The following PPP2R2B variants were observed in gnomAD, a reference collection of about 807,000 sequenced individuals.
PPP2R2B encodes serine/threonine-protein phosphatase 2A 55 kDa regulatory subunit B beta isoform.
In PPP2R2B, 5 loss-of-function variants were observed where a neutral mutation model predicts 46.0. The observed-to-expected ratio is 0.11, with a 90% confidence interval of 0.06 to 0.23. The LOEUF (loss-of-function observed/expected upper bound fraction) is 0.23, where lower values mean the gene tolerates loss of function less well. Ranked by LOEUF, PPP2R2B falls within the 10% of genes least tolerant of loss-of-function variation. PPP2R2B has a pLI of 1.00. For synonymous variants in PPP2R2B, 215 were observed against 206.7 expected (o/e 1.04, Z -0.34); for missense variants, 367 against 575.0 (o/e 0.64, Z 3.70).
intron 2 of PPP2R2B, among the ~76,000 whole-genome samples, chr5:146,813,662 A>G (rs1426312113): frequency 6.6e-6 from 1 of 152,178 alleles, no homozygotes; most frequent in Admixed American, 6.5e-5. Context: ...TCAAAGTCGA[A>G]ACCTTCTATT....
chr5:146,701,316 TA>T (rs1203168279), intron 2 of PPP2R2B, 174 bp from the exon 3 acceptor site: 5 of 752,954 alleles, frequency 6.6e-6, no homozygotes, highest in Non-Finnish European at 9.6e-6. Flanking sequence ...ACTTGGGAAG[TA>T]AATTTCCTAG....
Position 147,011,045 on chromosome 5 carries a change from G to A in PPP2R2B, c.79+44620C>T, listed in dbSNP as rs372202174. Among the ~76,000 whole-genome samples, 16 of 152,200 alleles carry A rather than the reference G, an allele frequency of 1.1e-4. No individual in the cohort carries two copies. In the East Asian group the frequency reaches 1.5e-3, roughly 15 times the overall value. ...GGGAAAAAGCCAAAATCCTTGCCAC[G>A]CTCCCTTCCTGTGACCTTTCTGGAT... On this transcript the variant is annotated intron_variant, in intron 1 of 8. Coordinates refer to the PPP2R2B transcript ENST00000336640.
intron 7 of PPP2R2B, among the ~76,000 whole-genome samples, chr5:146,629,292 A>G (rs1774263755): frequency 6.6e-6 from 1 of 152,104 alleles, no homozygotes; most frequent in Non-Finnish European, 1.5e-5. Flanking sequence ...TCCTCGTTTC[A>G]GTGTATGGTA....
At chr5:146,893,006 C>T (rs1368132031) in intron 1 of PPP2R2B, among the ~76,000 whole-genome samples, 2 of 152,118 alleles carry the variant, frequency 1.3e-5, no homozygotes, top group South Asian at 2.1e-4. Context: ...TTTCACAAAC[C>T]CTATGCGCAG....
At chr5:146,592,426 T>G (rs966111658) in intron 9 of PPP2R2B, among the ~76,000 whole-genome samples, 4 of 152,238 alleles carry the variant, frequency 2.6e-5, no homozygotes, top group African/African-American at 9.6e-5. Context: ...CATTTGTATT[T>G]GTCAAACTAA....
chr5:146,701,795 A>G (rs1007182351), intron 2 of PPP2R2B, among the ~76,000 whole-genome samples: 1 of 152,152 alleles, frequency 6.6e-6, no homozygotes, highest in Admixed American at 6.5e-5. Flanking sequence ...AAGGGCAGAG[A>G]AGTGAGGGCA....
intron 2 of PPP2R2B, among the ~76,000 whole-genome samples, chr5:147,079,445 C>CATATATATATATATATAT (rs58393815): frequency 1.7e-4 from 22 of 132,292 alleles, no homozygotes; most frequent in Non-Finnish European, 2.7e-4. Flanking sequence ...TATATATATA[C>CATATATATATATATATAT]ATATATATAT....
At chr5:147,027,753 G>T (rs1755599879) in intron 1 of PPP2R2B, among the ~76,000 whole-genome samples, 1 of 152,030 alleles carries the variant, frequency 6.6e-6, no homozygotes, top group African/African-American at 2.4e-5. Flanking sequence ...ATGATCAATG[G>T]GAGTATATAT....
At chr5:146,836,068 A>G (rs573222449) in intron 2 of PPP2R2B, among the ~76,000 whole-genome samples, 163 of 152,328 alleles carry the variant, frequency 1.1e-3, no homozygotes, top group African/African-American at 3.7e-3. Flanking sequence ...CTGACACATA[A>G]TAAATATTCA....
chr5:146,917,576 T>C (rs1245488796), intron 1 of PPP2R2B, among the ~76,000 whole-genome samples: 1 of 152,220 alleles, frequency 6.6e-6, no homozygotes, highest in Non-Finnish European at 1.5e-5. Context: ...CAATTAATGG[T>C]AGAGTTGGTT....
chr5:146,864,472 T>C (rs1761192239), intron 2 of PPP2R2B, among the ~76,000 whole-genome samples: 1 of 149,444 alleles, frequency 6.7e-6, no homozygotes, highest in South Asian at 2.1e-4. Flanking sequence ...GACTAGCTCA[T>C]TAAACAACCA....
chr5:146,694,746 A>G (rs1376691858), intron 4 of PPP2R2B, among the ~76,000 whole-genome samples: 3 of 152,130 alleles, frequency 2.0e-5, no homozygotes, highest in Non-Finnish European at 4.4e-5. Flanking sequence ...TCATAAAGGT[A>G]AAAAAACTCC....
rs1238428548 is a variant in PPP2R2B at position 146,987,542 on chromosome 5, G to GTC, written c.79+68121_79+68122dup. 2.0e-5 allele frequency among the ~76,000 whole-genome samples: 3 copies of GTC among 151,960 alleles called. No individual in the cohort carries two copies. In the East Asian group the frequency reaches 5.8e-4, roughly 29 times the overall value. Reference sequence around the variant, plus strand: ...TTCTTTTATTGTCTTTGCAATTAAAGTCAGGTTATCATCAGTTTAAAATAG... The same window carrying GTC: ...TTCTTTTATTGTCTTTGCAATTAAAGTCTCAGGTTATCATCAGTTTAAAATAG... On this transcript the variant is annotated intron_variant, in intron 1 of 8. Coordinates refer to the PPP2R2B transcript ENST00000336640.
intron 2 of PPP2R2B, among the ~76,000 whole-genome samples, chr5:146,701,386 C>A (rs1014081704): frequency 6.6e-6 from 1 of 152,194 alleles, no homozygotes; most frequent in African/African-American, 2.4e-5. Flanking sequence ...GGGAAAAACA[C>A]ATTTATACCC....
chr5:146,670,336 AGTTG>A (rs1777263950), intron 5 of PPP2R2B, among the ~76,000 whole-genome samples: 1 of 152,186 alleles, frequency 6.6e-6, no homozygotes, highest in Non-Finnish European at 1.5e-5. Context: ...AGATGAACTC[AGTTG>A]GTCTGAGGTG....
intron 1 of PPP2R2B, among the ~76,000 whole-genome samples, chr5:146,990,033 GA>G (rs1459521080): frequency 1.3e-5 from 1 of 75,564 alleles, no homozygotes. Flanking sequence ...CCAAGGAGGT[GA>G]AATATCTCTA....
At chr5:147,002,800 A>G (rs2151870448) in intron 1 of PPP2R2B, among the ~76,000 whole-genome samples, 1 of 152,256 alleles carries the variant, frequency 6.6e-6, no homozygotes, top group Middle Eastern at 3.4e-3. Flanking sequence ...TCTTCTGATC[A>G]GCAGGGTCCA....
At chr5:146,606,493 G>C (rs192907172) in intron 7 of PPP2R2B, among the ~76,000 whole-genome samples, 1 of 152,298 alleles carries the variant, frequency 6.6e-6, no homozygotes, top group East Asian at 1.9e-4. Context: ...ATTTAATGGA[G>C]ATAATAGTAG....
chr5:146,752,191 G>A (rs1753596421), intron 2 of PPP2R2B, among the ~76,000 whole-genome samples: 3 of 152,070 alleles, frequency 2.0e-5, no homozygotes, highest in South Asian at 2.1e-4. Context: ...AGCTTGAGAC[G>A]CTGTCAAGGT....
Sources: gnomAD v4.1 joint callset for allele counts (sites outside exome capture counted in the v4.1 genomes callset) on GRCh38, gnomAD v4.1.1 for gene constraint, MANE v1.5 for transcripts, NCBI Gene and HGNC (gene_info 2026-07-23, HGNC 2026-07-21) for gene names.